Variants in IL1RL2 observed in about 807,000 individuals in gnomAD.
IL1RL2 encodes the protein interleukin-1 receptor-like 2.
Under a neutral mutation model 66.8 loss-of-function variants are expected in IL1RL2, and 68 were observed. That is an observed-to-expected ratio of 1.02 (90% CI 0.84 to 1.25). The LOEUF (loss-of-function observed/expected upper bound fraction) is 1.25. IL1RL2 is among the 50% of genes most tolerant of loss of function. IL1RL2 has a pLI of 0.00. For missense variants in IL1RL2, 729 were observed against 709.3 expected, an observed-to-expected ratio of 1.03 and a Z score of -0.32; for synonymous variants, 305 against 264.6, an observed-to-expected ratio of 1.15 and a Z score of -1.48.
At chr2:102,240,996 AT>A (rs964316701), downstream of IL1RL2, among the ~76,000 whole-genome samples, 3 of 152,268 alleles carry the variant, frequency 2.0e-5, no homozygotes, top group Non-Finnish European at 2.9e-5. Context: ...CTACGGCGCC[AT>A]TGCGCCCTCT....
intron 9 of IL1RL2, among the ~76,000 whole-genome samples, chr2:102,232,183 C>A (rs954888163): frequency 4.7e-5 from 7 of 150,296 alleles, no homozygotes; most frequent in African/African-American, 1.7e-4. Flanking sequence ...GTGATCTCGG[C>A]TCACTGAAAC....
Position 102,229,033 on chromosome 2 carries a change from G to A in IL1RL2, c.1135+2992G>A, listed in dbSNP as rs569605113. ...TGGGGGTAAACCCACCAAACCTCCTGCAGTTCAGTAAAAGCATTTGCGTGG... is the reference window on the plus strand; with the variant it reads ...TGGGGGTAAACCCACCAAACCTCCTACAGTTCAGTAAAAGCATTTGCGTGG... On this transcript the variant is annotated intron_variant, in intron 9 of 11. Coordinates refer to ENST00000264257, the MANE Select transcript of IL1RL2 (RefSeq NM_003854.4). Among the ~76,000 whole-genome samples the A allele has an allele frequency of 3.3e-5, 5 of 152,188 alleles. No homozygotes were observed. In the South Asian group the frequency reaches 8.3e-4, roughly 25 times the overall value.
chr2:102,198,383 TATTAAG>T (rs1687960520), intron 4 of IL1RL2, among the ~76,000 whole-genome samples: 4 of 152,106 alleles, frequency 2.6e-5, no homozygotes, highest in African/African-American at 9.7e-5. Context: ...AAGGTTTGGG[TATTAAG>T]ACATCTGTCT....
At chr2:102,219,428 TC>T (rs1689901114) in intron 7 of IL1RL2, among the ~76,000 whole-genome samples, 1 of 152,192 alleles carries the variant, frequency 6.6e-6, no homozygotes, top group Non-Finnish European at 1.5e-5. Flanking sequence ...GTAGTATAGT[TC>T]TTTGCTATAC....
At chr2:102,231,553 G>A (rs1295777878) in intron 9 of IL1RL2, among the ~76,000 whole-genome samples, 1 of 139,558 alleles carries the variant, frequency 7.2e-6, no homozygotes, top group African/African-American at 3.0e-5. Flanking sequence ...GCGGTCCCAT[G>A]TTCATTGTGA....
intron 11 of IL1RL2, 100 bp downstream of exon 11, chr2:102,235,377 G>A (rs4851561): frequency 0.062 from 93,615 of 1,516,772 alleles, 3,298 homozygotes; most frequent in Non-Finnish European, 0.068. Flanking sequence ...CATCGGGGCC[G>A]TCTGCTCTGA....
At chr2:102,217,059 G>A (rs1689674674) in intron 6 of IL1RL2, among the ~76,000 whole-genome samples, 1 of 152,034 alleles carries the variant, frequency 6.6e-6, no homozygotes, top group African/African-American at 2.4e-5. Flanking sequence ...ATCTCTACTG[G>A]TTAGTTTTCA....
downstream of IL1RL2, among the ~76,000 whole-genome samples, chr2:102,240,924 C>T (rs1388706091): frequency 2.0e-5 from 3 of 152,264 alleles, no homozygotes; most frequent in Admixed American, 2.0e-4. Context: ...CATTTCCTCT[C>T]TTGAGACACA....
chr2:102,217,483 C>A (rs539541175), intron 6 of IL1RL2, among the ~76,000 whole-genome samples: 302 of 152,016 alleles, frequency 2.0e-3, no homozygotes, highest in Non-Finnish European at 3.6e-3. Flanking sequence ...CCAAAAGGCC[C>A]AAAACCAAAA....
At chr2:102,243,041 G>C (rs1675266201), downstream of IL1RL2, among the ~76,000 whole-genome samples, 1 of 152,204 alleles carries the variant, frequency 6.6e-6, no homozygotes, top group African/African-American at 2.4e-5. Flanking sequence ...CTATTCTAAG[G>C]TGTCCCAGGC....
At chr2:102,192,195 AT>A (rs56944556) in intron 4 of IL1RL2, 75 bp downstream of exon 4, 3 of 1,020,826 alleles carry the variant, frequency 2.9e-6, no homozygotes, top group South Asian at 1.7e-5. Context: ...GTTAAGTTGT[AT>A]TTTTTAAGGC....
At position 102,212,046 on chromosome 2, in the gene IL1RL2, G is replaced by A; in HGVS notation, c.650-54G>A. ...TTCATGCTATTACATCAAAGTACTT[G>A]GGAATGTATCATACGTGATTCTAAT... On this transcript the variant is annotated intron_variant, in intron 5 of 11. Transcript: ENST00000264257. 5 of 1,301,356 alleles carry A rather than the reference G, an allele frequency of 3.8e-6. No individual in the cohort carries two copies. In the South Asian group the frequency reaches 6.0e-5, roughly 16 times the overall value. 80.6% of individuals were successfully genotyped at this position (1,301,356 alleles called of 1,614,324 possible).
chr2:102,219,347 G>A (rs1486299203), intron 7 of IL1RL2, among the ~76,000 whole-genome samples: 1 of 152,112 alleles, frequency 6.6e-6, no homozygotes, highest in African/African-American at 2.4e-5. Flanking sequence ...AAAGCTTAAT[G>A]CCCCGGGCAT....
Position 102,233,178 on chromosome 2 carries a change from T to C in IL1RL2, c.1297+54T>C, listed in dbSNP as rs558196725. On this transcript the variant is annotated intron_variant, in intron 10 of 11. Coordinates refer to ENST00000264257, the MANE Select transcript of IL1RL2 (RefSeq NM_003854.4). Reference sequence around the variant, plus strand: ...CAAATAAAAGAAGGAAAGCGACCCCTCTGTTCCTCCACTTTACTAATGGCG... The same window carrying C: ...CAAATAAAAGAAGGAAAGCGACCCCCCTGTTCCTCCACTTTACTAATGGCG... 3,284 of 1,529,174 alleles carry C rather than the reference T, an allele frequency of 2.1e-3. 1 individual carries two copies. Among genetic ancestry groups the C allele is most frequent in the Non-Finnish European group, 2.4e-3 (2,709 of 1,114,774 alleles). 94.7% of individuals were successfully genotyped at this position (1,529,174 alleles called of 1,614,324 possible).
In IL1RL2 at chr2:102,232,984, AT is replaced by A. The variant is rs762955584; in HGVS notation, c.1158del (p.Tyr386Ter). 1.2e-6 allele frequency: 2 copies of A among 1,613,602 alleles called. No individual in the cohort carries two copies. The highest frequency in any genetic ancestry group is 2.2e-5 in the South Asian group (2 of 91,052). On this transcript the variant is annotated frameshift_variant, in exon 10 of 12. Transcript: ENST00000264257. LOFTEE classifies it high-confidence loss of function. ...TIVDGKLYDAYVLYPKPHKES... is the reference protein window; with the variant it reads ...TIVDGKLYDAXVLYPKPHKES... ...TCAGATGGGAAGCTGTATGACGCCT[AT>A]GTCTTATACCCCAAGCCCCACAAGG...
chr2:102,196,009 G>A (rs962032267), intron 4 of IL1RL2, among the ~76,000 whole-genome samples: 2 of 151,798 alleles, frequency 1.3e-5, no homozygotes, highest in African/African-American at 2.4e-5. Context: ...CCAGCGCATC[G>A]GGCCCTTATG....
chr2:102,197,177 G>T (rs545038958), intron 4 of IL1RL2, among the ~76,000 whole-genome samples: 2 of 152,310 alleles, frequency 1.3e-5, no homozygotes, highest in African/African-American at 4.8e-5. Context: ...TAATGAATTT[G>T]TAGTGGTACC....
At chr2:102,234,834 T>C in intron 10 of IL1RL2, 63 bp from the exon 11 acceptor site, 1 of 1,423,134 alleles carries the variant, frequency 7.0e-7, no homozygotes, top group Non-Finnish European at 9.7e-7. Flanking sequence ...ACATTCTCAC[T>C]AGCATTAAGA....
Position 102,187,890 on chromosome 2 carries a change from G to A in IL1RL2, c.23G>A (p.Gly8Glu). 6.2e-7 allele frequency: 1 copy of A among 1,614,164 alleles called. No homozygotes were observed. Residue 8 changes from glycine to glutamate, a missense_variant, in exon 2 of 12, where the codon GGG becomes GAG. Transcript: ENST00000264257. ...GGGATGTGGTCCTTGCTGCTCTGCG[G>A]GTTGTCCATCGCCCTTCCACTGTCT... MWSLLLC[G>E]LSIALPLSVT... is the part of the protein sequence containing the mutation.
Sources: allele counts gnomAD v4.1 joint callset (sites outside exome capture counted in the v4.1 genomes callset), GRCh38; gene constraint gnomAD v4.1.1; transcripts MANE v1.5; gene names NCBI Gene and HGNC (gene_info 2026-07-23, HGNC 2026-07-21).